HDAC9: variants seen among roughly 807,000 people sequenced by gnomAD.
The protein encoded by HDAC9 is histone deacetylase 9.
A neutral mutation model predicts 139.4 loss-of-function variants in HDAC9; 41 were observed. The ratio of observed to expected loss-of-function variants is 0.29; its 90% CI spans 0.23 to 0.38. The LOEUF (loss-of-function observed/expected upper bound fraction) is 0.38. Among genes scored for constraint, HDAC9 ranks in the 10% least tolerant of loss-of-function variants. The pLI is 1.00. For synonymous variants in HDAC9, 517 were observed against 476.2 expected (o/e 1.09, Z -1.12); for missense variants, 1,147 against 1,297.0 (o/e 0.88, Z 1.78).
intron 16 of HDAC9, among the ~76,000 whole-genome samples, chr7:18,782,642 A>T (rs1308061856): frequency 6.6e-6 from 1 of 152,022 alleles, no homozygotes; most frequent in African/African-American, 2.4e-5. Flanking sequence ...ATTATCACAG[A>T]TGATTTTTGT....
chr7:18,768,046 T>C (rs999303947), intron 16 of HDAC9, among the ~76,000 whole-genome samples: 3 of 152,184 alleles, frequency 2.0e-5, no homozygotes, highest in Non-Finnish European at 4.4e-5. Flanking sequence ...ATTTAGTGAG[T>C]TGTAGCCTTT....
chr7:18,717,331 A>C (rs1784777331), intron 12 of HDAC9, among the ~76,000 whole-genome samples: 4 of 152,190 alleles, frequency 2.6e-5, no homozygotes, highest in Admixed American at 2.6e-4. Context: ...AAGGGGGAAT[A>C]ATAAAGATCC....
At chr7:18,257,602 G>T (rs994891105) in intron 2 of HDAC9, among the ~76,000 whole-genome samples, 4 of 151,934 alleles carry the variant, frequency 2.6e-5, no homozygotes, top group South Asian at 2.1e-4. Context: ...TATAAGATTG[G>T]CACTGTCTGT....
intron 2 of HDAC9, among the ~76,000 whole-genome samples, chr7:18,167,168 T>G (rs960865655): frequency 1.3e-5 from 2 of 151,804 alleles, no homozygotes; most frequent in Non-Finnish European, 2.9e-5. Context: ...ACACTGTATG[T>G]TAAAGTTATT....
At chr7:18,777,354 C>A (rs1049245543) in intron 16 of HDAC9, among the ~76,000 whole-genome samples, 37 of 151,558 alleles carry the variant, frequency 2.4e-4, no homozygotes, top group Admixed American at 9.9e-4. Context: ...TGGTTTTTTT[C>A]CTTGTGCATT....
chr7:18,211,872 G>A (rs780948981), intron 2 of HDAC9, among the ~76,000 whole-genome samples: 1 of 152,152 alleles, frequency 6.6e-6, no homozygotes, highest in African/African-American at 2.4e-5. Context: ...TTAAGAGGGC[G>A]TCAGAAGTTC....
At chr7:18,514,016 T>G (rs1802407876) in intron 2 of HDAC9, among the ~76,000 whole-genome samples, 1 of 152,224 alleles carries the variant, frequency 6.6e-6, no homozygotes, top group South Asian at 2.1e-4. Context: ...ATGTGTTGCC[T>G]TTTCACAAAA....
intron 22 of HDAC9, among the ~76,000 whole-genome samples, chr7:18,925,645 CT>C (rs34738573): frequency 6.6e-6 from 1 of 151,010 alleles, no homozygotes; most frequent in East Asian, 2.0e-4. Context: ...TTAAATACAT[CT>C]TTTTTTTTCC....
At chr7:18,967,229 T>C (rs1783919226) in intron 24 of HDAC9, among the ~76,000 whole-genome samples, 1 of 152,234 alleles carries the variant, frequency 6.6e-6, no homozygotes. Flanking sequence ...GGTGCATTTA[T>C]GTAACACTCC....
At chr7:18,767,199 CA>C (rs56084250) in intron 16 of HDAC9, 44 bp downstream of exon 16, 480 of 1,115,760 alleles carry the variant, frequency 4.3e-4, no homozygotes, top group South Asian at 9.4e-4. Context: ...CATAAAATTA[CA>C]AAAAAAAATC....
At chr7:18,945,660 T>C (rs990781699) in intron 23 of HDAC9, among the ~76,000 whole-genome samples, 2 of 152,174 alleles carry the variant, frequency 1.3e-5, no homozygotes, top group African/African-American at 4.8e-5. Context: ...CATCTGGCAT[T>C]GAATATGTAT....
intron 6 of HDAC9, among the ~76,000 whole-genome samples, chr7:18,616,956 G>A (rs1345699307): frequency 3.9e-5 from 6 of 152,168 alleles, no homozygotes; most frequent in South Asian, 2.1e-4. Context: ...AAAAATGTAC[G>A]TGCATCTCTT....
At position 18,802,525 on chromosome 7, in the gene HDAC9, A is replaced by G. The variant is rs368540349; in HGVS notation, c.2322+9073A>G. Among the ~76,000 whole-genome samples, 38 of 152,046 alleles carry G rather than the reference A, an allele frequency of 2.5e-4. 1 individual carries two copies. The South Asian group carries it at 7.9e-3, about 31-fold the overall frequency. On this transcript the variant is annotated intron_variant, in intron 17 of 25. Transcript: ENST00000686413. ...TTTATATGTCCATTAGCACAAGCTTATTAATTATTTTGTTAAAATAGTCCA... is the reference window on the plus strand; with the variant it reads ...TTTATATGTCCATTAGCACAAGCTTGTTAATTATTTTGTTAAAATAGTCCA...
At chr7:18,353,653 A>G (rs1015268663) in intron 1 of HDAC9, among the ~76,000 whole-genome samples, 6 of 152,318 alleles carry the variant, frequency 3.9e-5, no homozygotes, top group African/African-American at 1.4e-4. Flanking sequence ...TATCAACAGC[A>G]TATAAATGAA....
At position 18,920,895 on chromosome 7, in the gene HDAC9, C is replaced by G. The variant is rs1473179914; in HGVS notation, c.2804-14914C>G. Among the ~76,000 whole-genome samples, 3 of 151,992 alleles carry G rather than the reference C, an allele frequency of 2.0e-5. No individual in the cohort carries two copies. The East Asian group carries it at 5.8e-4, about 29-fold the overall frequency. ...TTGATGTGTTGCTGGATTCGGTTTG[C>G]CAGTATTTTATTGAGGATTCAGAAA... On this transcript the variant is annotated intron_variant, in intron 22 of 25. Transcript: ENST00000686413.
At chr7:18,435,788 A>G (rs574114921) in intron 1 of HDAC9, among the ~76,000 whole-genome samples, 1 of 151,774 alleles carries the variant, frequency 6.6e-6, no homozygotes, top group Non-Finnish European at 1.5e-5. Flanking sequence ...ACTAGAATAT[A>G]TCTATACTTT....
intron 1 of HDAC9, among the ~76,000 whole-genome samples, chr7:18,156,616 G>T (rs1246905047): frequency 2.0e-5 from 3 of 152,130 alleles, no homozygotes; most frequent in African/African-American, 7.2e-5. Flanking sequence ...TAGGTGTGGG[G>T]GTTACAAAGA....
chr7:18,388,292 C>G (rs941786405), intron 1 of HDAC9, among the ~76,000 whole-genome samples: 2 of 152,214 alleles, frequency 1.3e-5, no homozygotes, highest in African/African-American at 2.4e-5. Context: ...TCCCTTGACA[C>G]TGATCCTCCT....
At chr7:18,091,382 A>G (rs748131940) in intron 1 of HDAC9, among the ~76,000 whole-genome samples, 1 of 152,182 alleles carries the variant, frequency 6.6e-6, no homozygotes, top group Non-Finnish European at 1.5e-5. Flanking sequence ...TCACATCTCT[A>G]CAGAAGCTGT....
Sources: allele counts gnomAD v4.1 joint callset (sites outside exome capture counted in the v4.1 genomes callset), GRCh38; gene constraint gnomAD v4.1.1; transcripts MANE v1.5; gene names NCBI Gene and HGNC (gene_info 2026-07-23, HGNC 2026-07-21).